PTN: variants seen among roughly 807,000 people sequenced by gnomAD.
PTN encodes the protein heparin affin regulatory protein.
Under a neutral mutation model 24.1 loss-of-function variants are expected in PTN, and 18 were observed. The observed-to-expected ratio is 0.75, with a 90% CI of 0.52 to 1.11. PTN has a LOEUF of 1.11. PTN is among the 50% of genes least tolerant of loss of function. The pLI, the probability that PTN is intolerant of heterozygous loss-of-function variation, is 0.00. For missense variants in PTN, 163 were observed against 198.8 expected (o/e 0.82, Z 1.08); for synonymous variants, 78 against 68.6 (o/e 1.14, Z -0.67).
At chr7:137,278,785 C>G (rs889354980) in intron 1 of PTN, among the ~76,000 whole-genome samples, 1 of 151,062 alleles carries the variant, frequency 6.6e-6, no homozygotes, top group African/African-American at 2.4e-5. Flanking sequence ...ACTAAAATTA[C>G]AAAAACTTAG....
At chr7:137,304,870 G>T (rs1369578819) in intron 1 of PTN, among the ~76,000 whole-genome samples, 2 of 151,950 alleles carry the variant, frequency 1.3e-5, no homozygotes, top group African/African-American at 2.4e-5. Context: ...CATTTGCTAA[G>T]AGTTGGGAAC....
At chr7:137,254,838 C>T in intron 2 of PTN, 21 bp downstream of exon 2, 1 of 1,500,380 alleles carries the variant, frequency 6.7e-7, no homozygotes, top group South Asian at 1.3e-5. Context: ...AGCATCTTGC[C>T]TTCAGAACCC....
chr7:137,327,654 T>C (rs2128882276), intron 1 of PTN, among the ~76,000 whole-genome samples: 1 of 152,224 alleles, frequency 6.6e-6, no homozygotes, highest in East Asian at 1.9e-4. Context: ...AAGAAAATCC[T>C]ATCCTTTATA....
At chr7:137,251,454 A>T in intron 3 of PTN, 63 bp from the exon 4 acceptor site, 1 of 1,535,330 alleles carries the variant, frequency 6.5e-7, no homozygotes, top group Non-Finnish European at 8.9e-7. Flanking sequence ...CCAGGATAAT[A>T]AAGGCACACT....
At chr7:137,238,448 C>T (rs1808562443) in intron 4 of PTN, among the ~76,000 whole-genome samples, 1 of 152,188 alleles carries the variant, frequency 6.6e-6, no homozygotes, top group South Asian at 2.1e-4. Context: ...AATTTTTATA[C>T]AAAGACAAGC....
chr7:137,242,930 C>T lies in PTN; in HGVS notation c.451+8300G>A, dbSNP rs141291410. On this transcript the variant is annotated intron_variant, in intron 4 of 4. Coordinates refer to ENST00000348225, the MANE Select transcript of PTN (RefSeq NM_002825.7). ...CATCTAAGGGGACCACTGAAAAACA[C>T]GTGTGGCTTGGAGAAGAGTTATTTG... Among the ~76,000 whole-genome samples, 4 of 152,312 alleles carry T rather than the reference C, an allele frequency of 2.6e-5. No homozygotes were observed. The East Asian group carries it at 7.8e-4, about 30-fold the overall frequency.
chr7:137,307,088 C>T (rs572968858), intron 1 of PTN, among the ~76,000 whole-genome samples: 50 of 152,184 alleles, frequency 3.3e-4, no homozygotes, highest in African/African-American at 1.2e-3. Flanking sequence ...AATTAGGTAT[C>T]GGTGGCATAT....
At chr7:137,228,695 G>T (rs1224689795) in intron 4 of PTN, among the ~76,000 whole-genome samples, 1 of 151,808 alleles carries the variant, frequency 6.6e-6, no homozygotes, top group Non-Finnish European at 1.5e-5. Context: ...AAAACAAATG[G>T]AATGTGTCAA....
chr7:137,237,967 G>A (rs1808552867), intron 4 of PTN, among the ~76,000 whole-genome samples: 1 of 152,146 alleles, frequency 6.6e-6, no homozygotes, highest in Admixed American at 6.6e-5. Flanking sequence ...CAATATCTGT[G>A]GGCCTTGCCG....
chr7:137,333,449 T>G (rs1810394134), intron 1 of PTN, among the ~76,000 whole-genome samples: 1 of 152,148 alleles, frequency 6.6e-6, no homozygotes, highest in South Asian at 2.1e-4. Flanking sequence ...CCTTATTAAT[T>G]AAATCTGGAC....
intron 1 of PTN, among the ~76,000 whole-genome samples, chr7:137,281,195 G>T (rs535728260): frequency 6.6e-6 from 1 of 151,334 alleles, no homozygotes; most frequent in African/African-American, 2.4e-5. Flanking sequence ...GAATATAAAG[G>T]AAAAGACTGT....
intron 1 of PTN, among the ~76,000 whole-genome samples, chr7:137,339,591 G>C (rs1040466290): frequency 9.0e-6 from 1 of 111,014 alleles, no homozygotes; most frequent in Non-Finnish European, 2.1e-5. Flanking sequence ...AAAAATGGGG[G>C]AAAAATGCCA....
chr7:137,330,369 G>C (rs1369221568), intron 1 of PTN, among the ~76,000 whole-genome samples: 1 of 151,964 alleles, frequency 6.6e-6, no homozygotes, highest in African/African-American at 2.4e-5. Flanking sequence ...AAGAAGAAGA[G>C]ACATACCCAA....
At chr7:137,313,515 T>G (rs1158984038) in intron 1 of PTN, among the ~76,000 whole-genome samples, 1 of 152,200 alleles carries the variant, frequency 6.6e-6, no homozygotes, top group African/African-American at 2.4e-5. Context: ...CCAGTAATTG[T>G]GGGAGCTAGC....
rs1808862189 is a variant in PTN, at chr7:137,253,364, T to C, written c.289+100A>G. 4.0e-6 allele frequency: 5 copies of C among 1,263,216 alleles called. No homozygotes were observed. In the East Asian group the frequency reaches 1.2e-4, roughly 31 times the overall value. 78.3% of individuals were successfully genotyped at this position (1,263,216 alleles called of 1,614,324 possible). A position where few individuals can be genotyped will look rare whatever the true frequency, so the allele number is the denominator to read the frequency against. ...TCACTTTGTGTCTGGTAAGATAAAGTTATTTAAAATAAAAAGTACTTATCC... is the reference window on the plus strand; with the variant it reads ...TCACTTTGTGTCTGGTAAGATAAAGCTATTTAAAATAAAAAGTACTTATCC... On this transcript the variant is annotated intron_variant, in intron 3 of 4. Coordinates refer to ENST00000348225, the MANE Select transcript of PTN (RefSeq NM_002825.7).
intron 4 of PTN, among the ~76,000 whole-genome samples, chr7:137,232,221 T>C (rs1037985873): frequency 5.3e-5 from 8 of 151,926 alleles, no homozygotes; most frequent in African/African-American, 1.9e-4. Flanking sequence ...AATGAGCCAT[T>C]GTCAACATGT....
chr7:137,311,221 G>A (rs1809976286), intron 1 of PTN, among the ~76,000 whole-genome samples: 2 of 109,978 alleles, frequency 1.8e-5, no homozygotes, highest in South Asian at 3.4e-4. Context: ...GACAGAGGGA[G>A]ACTCCATTTC....
Position 137,235,527 on chromosome 7 carries a change from G to A in PTN, c.452-7452C>T, listed in dbSNP as rs373066578. 5.3e-5 allele frequency among the ~76,000 whole-genome samples: 8 copies of A among 152,122 alleles called. No individual in the cohort carries two copies. In the South Asian group the frequency reaches 1.7e-3, roughly 32 times the overall value. On this transcript the variant is annotated intron_variant, in intron 4 of 4. Transcript: ENST00000348225. ...CAAAAGTATCATCTTTTAAACATTT[G>A]CTTAATGTGTTATTCACAGATGTAG... is the stretch of plus-strand genomic sequence containing the variant.
intron 4 of PTN, 115 bp from the exon 5 acceptor site, chr7:137,228,190 G>A: frequency 4.4e-6 from 3 of 686,668 alleles, no homozygotes; most frequent in Non-Finnish European, 7.6e-6. Flanking sequence ...TACACAAGTT[G>A]TTTGCTCTTG....
Sources: allele counts gnomAD v4.1 joint callset (sites outside exome capture counted in the v4.1 genomes callset), GRCh38; gene constraint gnomAD v4.1.1; transcripts MANE v1.5; gene names NCBI Gene and HGNC (gene_info 2026-07-23, HGNC 2026-07-21).